Variants in TTC39A observed in about 807,000 individuals in gnomAD.
TTC39A encodes the protein tetratricopeptide repeat protein 39A.
TTC39A carries 46 observed loss-of-function variants against 82.3 expected under a neutral mutation model. That is an observed-to-expected ratio of 0.56 (90% confidence interval 0.44 to 0.71). The LOEUF (loss-of-function observed/expected upper bound fraction) is 0.71, where lower values mean the gene tolerates loss of function less well. Among genes scored for constraint, TTC39A ranks in the 30% least tolerant of loss-of-function variants. The pLI is 0.00. For missense variants in TTC39A, 543 were observed against 712.9 expected, an observed-to-expected ratio of 0.76 and a Z score of 2.71; for synonymous variants, 254 against 275.2, an observed-to-expected ratio of 0.92 and a Z score of 0.76.
In TTC39A at chr1:51,321,556, A is replaced by G. The variant is rs1241674381; in HGVS notation, c.146+165T>C. Among the ~76,000 whole-genome samples, 1 of 152,256 alleles carries G rather than the reference A, an allele frequency of 6.6e-6. No homozygotes were observed. Among genetic ancestry groups the G allele is most frequent in the Middle Eastern group, 3.2e-3 (1 of 316 alleles). On this transcript the variant is annotated intron_variant, in intron 2 of 17. Transcript: ENST00000680483. The surrounding 1 kb of genome is among the most constrained non-coding windows in gnomAD (Gnocchi z 4.6). ...CCTTGGAGAGGGCCTGGCTGCACAC[A>G]GGCCGTGGAATGGAGCTTGAGCCAT... is the stretch of plus-strand genomic sequence containing the variant.
At chr1:51,311,405 C>A in intron 4 of TTC39A, 84 bp from the exon 5 acceptor site, 1 of 1,326,920 alleles carries the variant, frequency 7.5e-7, no homozygotes, top group Non-Finnish European at 1.0e-6. Context: ...CCAACTTCCC[C>A]AAAAGCAAAG....
chr1:51,302,923 C>T (rs1229102865), intron 9 of TTC39A, among the ~76,000 whole-genome samples, 161 bp downstream of exon 9: 1 of 152,186 alleles, frequency 6.6e-6, no homozygotes, highest in Admixed American at 6.5e-5. Flanking sequence ...AGGCAGTGGG[C>T]GTCAGCAGGC....
At chr1:51,325,424 G>A (rs1645679823) in intron 1 of TTC39A, among the ~76,000 whole-genome samples, 1 of 152,176 alleles carries the variant, frequency 6.6e-6, no homozygotes. Flanking sequence ...CTCTGCCCAG[G>A]GCATAGCCTA....
upstream of TTC39A, among the ~76,000 whole-genome samples, chr1:51,332,559 G>A (rs911828661): frequency 3.3e-5 from 5 of 152,186 alleles, no homozygotes; most frequent in African/African-American, 1.2e-4. Flanking sequence ...CGCCCGGCCT[G>A]AAACTTGAAG....
At chr1:51,300,003 G>A (rs1644590348) in intron 12 of TTC39A, 1 of 152,306 alleles carries the variant, frequency 6.6e-6, no homozygotes, top group African/African-American at 2.4e-5. Context: ...GGGGCCATGG[G>A]AGCTGGGCCT....
intron 1 of TTC39A, among the ~76,000 whole-genome samples, chr1:51,337,360 C>T (rs906804342): frequency 2.6e-5 from 4 of 152,238 alleles, no homozygotes; most frequent in East Asian, 1.9e-4. Flanking sequence ...CACTACTTCA[C>T]CTTCTTCGGG....
intron 14 of TTC39A, among the ~76,000 whole-genome samples, chr1:51,293,877 G>A (rs1644312950): frequency 6.6e-6 from 1 of 152,216 alleles, no homozygotes; most frequent in African/African-American, 2.4e-5. Flanking sequence ...CTGTAAAATG[G>A]AGACACCAGC....
Position 51,321,749 on chromosome 1 carries a change from A to G in TTC39A, c.118T>C (p.Ser40Pro). The change falls in exon 2 of 18, where the codon TCA becomes CCA. Residue 40 changes from serine (S) to proline (P), a missense_variant. By Grantham distance (74) the Ser-to-Pro change is moderately conservative. Transcript: ENST00000680483. The surrounding 1 kb of genome is among the most constrained non-coding windows in gnomAD (Gnocchi z 4.6). ...GGCTTGAGGTAGCTGAGTGCTTCTG[A>G]GAACTGGTTGGTGAGGAAGAGGTCC... ...ALDLFLTNQF[S>P]EALSYLKPRT... The G allele has an allele frequency of 6.2e-7, 1 of 1,613,930 alleles. No individual in the cohort carries two copies. Among genetic ancestry groups the G allele is most frequent in the Non-Finnish European group, 8.5e-7 (1 of 1,179,872 alleles).
chr1:51,330,382 C>T lies in TTC39A; in HGVS notation c.41+55G>A. 1 of 962,876 alleles carries T rather than the reference C, an allele frequency of 1.0e-6. No homozygotes were observed. The highest frequency in any genetic ancestry group is 1.2e-6 in the Non-Finnish European group (1 of 812,004). 59.6% of individuals were successfully genotyped at this position (962,876 alleles called of 1,614,324 possible). ...GGCCTGGCGCGGCGCCCGCCACCTG[C>T]CCGGGCCCCAGCCCGCGCCGCCCGC... On this transcript the variant is annotated intron_variant, in intron 1 of 17. Transcript: ENST00000680483. This position sits in a 1 kb window ranked among gnomAD's most constrained non-coding sequence, Gnocchi z 4.5.
chr1:51,335,483 C>A (rs1295638781), upstream of TTC39A, among the ~76,000 whole-genome samples: 1 of 150,798 alleles, frequency 6.6e-6, no homozygotes, highest in African/African-American at 2.4e-5. Context: ...ATCACTTGAA[C>A]CCGGGAGGTG....
At position 51,301,470 on chromosome 1, in the gene TTC39A, C is replaced by A. The variant is rs1255667270; in HGVS notation, c.1053+102G>T. ...TAGAATTTAAGGTTATGTTTAGATTCCAGCTGAGACATCTGTGTTCAGTTA... is the reference window on the plus strand; with the variant it reads ...TAGAATTTAAGGTTATGTTTAGATTACAGCTGAGACATCTGTGTTCAGTTA... On this transcript the variant is annotated intron_variant, in intron 12 of 17. Transcript: ENST00000680483. 9.2e-6 allele frequency: 13 copies of A among 1,410,218 alleles called. No homozygotes were observed. In the Admixed American group the frequency reaches 2.7e-4, roughly 29 times the overall value. 87.4% of individuals were successfully genotyped at this position (1,410,218 alleles called of 1,614,324 possible).
intron 2 of TTC39A, among the ~76,000 whole-genome samples, chr1:51,318,686 G>A (rs540214375): frequency 6.6e-6 from 1 of 152,328 alleles, no homozygotes; most frequent in Non-Finnish European, 1.5e-5. Flanking sequence ...ACGGAGAGTA[G>A]GTGGCAGAGA....
At chr1:51,305,412 G>A (rs915916843) in intron 7 of TTC39A, 3 of 405,602 alleles carry the variant, frequency 7.4e-6, no homozygotes, top group Middle Eastern at 7.6e-4. Context: ...TCCCTGGGAA[G>A]CTCCTCCTCC....
At chr1:51,320,410 CTTTT>C (rs1557735343) in intron 2 of TTC39A, among the ~76,000 whole-genome samples, 1 of 124,328 alleles carries the variant, frequency 8.0e-6, no homozygotes, top group Non-Finnish European at 1.6e-5. Context: ...TTTTCTTTTT[CTTTT>C]TCTTTTTTTT....
intron 2 of TTC39A, 134 bp from the exon 3 acceptor site, chr1:51,313,077 C>T (rs1470262800): frequency 3.5e-5 from 43 of 1,239,840 alleles, no homozygotes; most frequent in Admixed American, 6.7e-5. Flanking sequence ...CGGGGAGGGC[C>T]TTGGCCAGGT....
At chr1:51,331,125 G>A (rs1645901124), upstream of TTC39A, 1 of 1,376,922 alleles carries the variant, frequency 7.3e-7, no homozygotes, top group East Asian at 2.5e-5. Context: ...GAGGCATGGG[G>A]TTCATTTGAT....
At chr1:51,338,960 C>T (rs567234575) in intron 1 of TTC39A, among the ~76,000 whole-genome samples, 1 of 152,176 alleles carries the variant, frequency 6.6e-6, no homozygotes, top group Admixed American at 6.5e-5. Context: ...TTTGGTACAC[C>T]TTTCAATCAC....
upstream of TTC39A, chr1:51,335,101 T>C (rs1645958400): frequency 6.6e-6 from 1 of 152,232 alleles, no homozygotes. Context: ...GGAGACCTGT[T>C]TCCTGGTGCG....
chr1:51,288,712 C>A lies in TTC39A; in HGVS notation c.1610+127G>T. The A allele has an allele frequency of 1.2e-6, 1 of 829,614 alleles. No homozygotes were observed. Among genetic ancestry groups the A allele is most frequent in the Non-Finnish European group, 1.9e-6 (1 of 514,738 alleles). The allele number at this position is 829,614 out of a possible 1,614,324, so 51.4% of individuals were successfully genotyped here. A position where few individuals can be genotyped will look rare whatever the true frequency, so the allele number is the denominator to read the frequency against. ...GGATTCCGAGGGACACAGGTCCACC[C>A]TCTAGACTGCCAGACTGGCCTTGCT... is the stretch of plus-strand genomic sequence containing the variant. On this transcript the variant is annotated intron_variant, in intron 17 of 17. Transcript: ENST00000680483. This position sits in a 1 kb window ranked among gnomAD's most constrained non-coding sequence, Gnocchi z 4.8.
Sources: allele counts gnomAD v4.1 joint callset (sites outside exome capture counted in the v4.1 genomes callset), GRCh38; gene constraint gnomAD v4.1.1; non-coding constraint Gnocchi (gnomAD v3.1); transcripts MANE v1.5; gene names NCBI Gene and HGNC (gene_info 2026-07-23, HGNC 2026-07-21).